DENND1A: variants seen among roughly 807,000 people sequenced by gnomAD.
The protein encoded by DENND1A is DENN domain-containing protein 1A.
Under a neutral mutation model 113.7 loss-of-function variants are expected in DENND1A, and 51 were observed. The ratio of observed to expected loss-of-function variants is 0.45; its 90% CI spans 0.36 to 0.57. The LOEUF is 0.57. DENND1A is among the 20% of genes least tolerant of loss of function. The probability of loss-of-function intolerance (pLI) is 0.00; values close to 1 mark genes in which losing one functional copy is unlikely to be tolerated. For synonymous variants in DENND1A, 565 were observed against 570.8 expected (o/e 0.99, Z 0.14); for missense variants, 1,258 against 1,395.9 (o/e 0.90, Z 1.57).
At chr9:123,511,277 GGCTT>G (rs1376686465) in intron 13 of DENND1A, among the ~76,000 whole-genome samples, 1 of 152,230 alleles carries the variant, frequency 6.6e-6, no homozygotes, top group Non-Finnish European at 1.5e-5. Context: ...TCAGAAGGGT[GGCTT>G]TGGGGAAGCT....
chr9:123,397,569 C>T (rs967774740), intron 21 of DENND1A, among the ~76,000 whole-genome samples: 6 of 152,188 alleles, frequency 3.9e-5, no homozygotes. Flanking sequence ...ACAATGAGAT[C>T]CTCTGCAGTC....
At chr9:123,854,141 G>T (rs977976713) in intron 2 of DENND1A, among the ~76,000 whole-genome samples, 1 of 152,138 alleles carries the variant, frequency 6.6e-6, no homozygotes, top group Non-Finnish European at 1.5e-5. Context: ...TTAACCCACT[G>T]CATTAACTCA....
intron 6 of DENND1A, among the ~76,000 whole-genome samples, chr9:123,674,283 GTC>G (rs1414660922): frequency 6.7e-6 from 1 of 149,088 alleles, no homozygotes; most frequent in Admixed American, 6.7e-5. Flanking sequence ...TCACACCTTG[GTC>G]TCCCACACCC....
chr9:123,901,877 G>A (rs925936446), intron 1 of DENND1A, among the ~76,000 whole-genome samples: 2 of 151,884 alleles, frequency 1.3e-5, no homozygotes, highest in African/African-American at 4.8e-5. Flanking sequence ...ACGGTGGTGG[G>A]CGCCTGTAGT....
At chr9:123,433,434 C>CTG (rs1383170203) in intron 19 of DENND1A, among the ~76,000 whole-genome samples, 1 of 152,124 alleles carries the variant, frequency 6.6e-6, no homozygotes, top group Non-Finnish European at 1.5e-5. Flanking sequence ...ATGTGTGAGC[C>CTG]TGTGTGTGTA....
intron 1 of DENND1A, among the ~76,000 whole-genome samples, chr9:123,925,795 T>C (rs1856992976): frequency 6.6e-6 from 1 of 152,216 alleles, no homozygotes; most frequent in African/African-American, 2.4e-5. Context: ...CAGGCTAATG[T>C]AGAATAATCA....
intron 16 of DENND1A, among the ~76,000 whole-genome samples, chr9:123,452,653 C>G (rs1274354824): frequency 6.6e-6 from 1 of 151,998 alleles, no homozygotes; most frequent in African/African-American, 2.4e-5. Context: ...GCATCACAGG[C>G]TGCCTAAGGC....
intron 19 of DENND1A, among the ~76,000 whole-genome samples, chr9:123,424,659 A>G (rs1420782802): frequency 6.6e-6 from 1 of 152,150 alleles, no homozygotes; most frequent in African/African-American, 2.4e-5. Context: ...GGGTGGGGAG[A>G]GCCCAGGTTC....
In DENND1A at chr9:123,715,814, C is replaced by A. The variant is rs28482775; in HGVS notation, c.303-39025G>T. On this transcript the variant is annotated intron_variant, in intron 5 of 23. Transcript: ENST00000394215. ...AACTCAGCCTACTGAGTAGCTGGGA[C>A]GAGAGGCGGCGCCACCATGCCCAAC... Among the ~76,000 whole-genome samples the A allele has an allele frequency of 2.6e-5, 4 of 152,022 alleles. No homozygotes were observed. In the East Asian group the frequency reaches 7.7e-4, roughly 29 times the overall value.
At chr9:123,808,631 C>T (rs185840719) in intron 2 of DENND1A, among the ~76,000 whole-genome samples, 12 of 152,214 alleles carry the variant, frequency 7.9e-5, no homozygotes, top group African/African-American at 2.9e-4. Context: ...ATCCCCCTGC[C>T]TAATTTTCAT....
intron 19 of DENND1A, among the ~76,000 whole-genome samples, chr9:123,426,411 A>C (rs753180273): frequency 7.9e-5 from 12 of 152,210 alleles, no homozygotes; most frequent in Non-Finnish European, 1.8e-4. Context: ...AGTCTGACTA[A>C]GACATTCTAG....
At chr9:123,420,716 G>GC (rs2045207640) in intron 19 of DENND1A, among the ~76,000 whole-genome samples, 1 of 152,158 alleles carries the variant, frequency 6.6e-6, no homozygotes, top group Non-Finnish European at 1.5e-5. Context: ...GTGGTTTGAA[G>GC]CCTTGTCAAG....
At chr9:123,687,349 A>G (rs2064874713) in intron 5 of DENND1A, among the ~76,000 whole-genome samples, 1 of 152,124 alleles carries the variant, frequency 6.6e-6, no homozygotes, top group Admixed American at 6.5e-5. Context: ...ATGACTTATG[A>G]CTTGTTCATA....
intron 2 of DENND1A, among the ~76,000 whole-genome samples, chr9:123,840,367 CA>C (rs985999364): frequency 4.8e-4 from 68 of 141,134 alleles, no homozygotes; most frequent in Admixed American, 3.9e-3. Flanking sequence ...TTTTTTGTCT[CA>C]AAAAAAAAAG....
intron 5 of DENND1A, among the ~76,000 whole-genome samples, chr9:123,691,319 A>C (rs556071862): frequency 6.6e-6 from 1 of 152,292 alleles, no homozygotes; most frequent in South Asian, 2.1e-4. Context: ...CTACGTGATG[A>C]TGCTGCAACA....
chr9:123,420,514 G>A (rs1285104417), intron 19 of DENND1A, among the ~76,000 whole-genome samples: 1 of 152,184 alleles, frequency 6.6e-6, no homozygotes, highest in Non-Finnish European at 1.5e-5. Context: ...TCCGGAGAGA[G>A]CGCGCTCAGG....
intron 13 of DENND1A, among the ~76,000 whole-genome samples, chr9:123,540,845 C>T (rs1325702026): frequency 1.3e-5 from 2 of 152,152 alleles, no homozygotes; most frequent in Admixed American, 1.3e-4. Flanking sequence ...TTCATGTTTC[C>T]TCCCTAGATG....
chr9:123,904,269 A>G (rs1298277884), intron 1 of DENND1A, among the ~76,000 whole-genome samples: 5 of 151,986 alleles, frequency 3.3e-5, no homozygotes, highest in Admixed American at 2.6e-4. Flanking sequence ...AGATGGGGAA[A>G]AAACAGAACA....
intron 1 of DENND1A, chr9:123,928,807 G>C: frequency 2.0e-6 from 2 of 985,388 alleles, no homozygotes; most frequent in Non-Finnish European, 2.4e-6. Context: ...AACTTCCCTA[G>C]TACAATTCTC....
Sources: allele counts gnomAD v4.1 joint callset (sites outside exome capture counted in the v4.1 genomes callset), GRCh38; gene constraint gnomAD v4.1.1; transcripts MANE v1.5; gene names NCBI Gene and HGNC (gene_info 2026-07-23, HGNC 2026-07-21).